Variants in KAZN observed in about 807,000 individuals in gnomAD.
The protein encoded by KAZN is kazrin, periplakin interacting protein.
A neutral mutation model predicts 87.4 loss-of-function variants in KAZN; 40 were observed. That is an observed-to-expected ratio of 0.46 (90% CI 0.36 to 0.60). The LOEUF is 0.60. Ranked by LOEUF, KAZN falls within the 20% of genes least tolerant of loss-of-function variation. KAZN has a pLI of 0.00. For missense variants in KAZN, 898 were observed against 1,073.9 expected (o/e 0.84, Z 2.29); for synonymous variants, 466 against 458.3 (o/e 1.02, Z -0.22).
intron 1 of KAZN, among the ~76,000 whole-genome samples, chr1:14,719,873 G>A (rs970722959): frequency 6.6e-6 from 1 of 152,296 alleles, no homozygotes; most frequent in South Asian, 2.1e-4. Flanking sequence ...AGAGAAACAT[G>A]CAGGTGCTGG....
At chr1:14,202,408 G>A (rs1348340913) in intron 2 of KAZN, among the ~76,000 whole-genome samples, 3 of 152,212 alleles carry the variant, frequency 2.0e-5, no homozygotes, top group Non-Finnish European at 4.4e-5. Flanking sequence ...GTCTCGCCTG[G>A]TGTGGGAATC....
chr1:14,603,061 C>T (rs1425839812), intron 1 of KAZN, among the ~76,000 whole-genome samples: 1 of 152,206 alleles, frequency 6.6e-6, no homozygotes, highest in Non-Finnish European at 1.5e-5. Flanking sequence ...ATTACTACAA[C>T]ACTGGAAACT....
In KAZN at chr1:14,131,181, C is replaced by T. The variant is rs1045936968; in HGVS notation, c.92-49254C>T. ...GATCTTGTGAGAACTCACTCGCTAT[C>T]GCAGGAACAGCAAGGAGGAAATCTG... On this transcript the variant is annotated intron_variant, in intron 1 of 16. Transcript: ENST00000636203. 9.2e-5 allele frequency among the ~76,000 whole-genome samples: 14 copies of T among 152,252 alleles called. No individual in the cohort carries two copies. The East Asian group carries it at 1.2e-3, about 13-fold the overall frequency.
chr1:14,775,495 T>C (rs964189695), intron 1 of KAZN, among the ~76,000 whole-genome samples: 12 of 152,240 alleles, frequency 7.9e-5, no homozygotes, highest in Non-Finnish European at 2.9e-5. Context: ...AGGTCAGCCT[T>C]GGCGTCCACG....
At chr1:14,593,889 G>A (rs930815699), upstream of KAZN, among the ~76,000 whole-genome samples, 5 of 152,168 alleles carry the variant, frequency 3.3e-5, no homozygotes, top group Admixed American at 6.5e-5. Flanking sequence ...GGCTGTGGGT[G>A]TAATTTAGGA....
At chr1:15,072,699 A>C (rs1185283347) in intron 8 of KAZN, among the ~76,000 whole-genome samples, 2 of 152,210 alleles carry the variant, frequency 1.3e-5, no homozygotes, top group Admixed American at 1.3e-4. Flanking sequence ...CAAGGCGCAG[A>C]GAGGTGAAGT....
At position 14,991,301 on chromosome 1, in the gene KAZN, G is replaced by A. The variant is rs541071199; in HGVS notation, c.418+30426G>A. Among the ~76,000 whole-genome samples, 4 of 152,012 alleles carry A rather than the reference G, an allele frequency of 2.6e-5. No individual in the cohort carries two copies. The South Asian group carries it at 8.3e-4, about 32-fold the overall frequency. ...ACCCGAGAGGCGGGGGTTGCAGTGA[G>A]CCTAGATCGCACCACTGCACTCCAG... is the stretch of plus-strand genomic sequence containing the variant. On this transcript the variant is annotated intron_variant, in intron 2 of 14. Coordinates refer to ENST00000376030, the MANE Select transcript of KAZN (RefSeq NM_201628.3).
intron 2 of KAZN, among the ~76,000 whole-genome samples, chr1:14,267,988 A>G (rs1268362095): frequency 6.6e-6 from 1 of 152,156 alleles, no homozygotes. Flanking sequence ...AAAAGCTGTT[A>G]TGTATATATT....
At chr1:14,739,615 G>A (rs1364888550) in intron 1 of KAZN, among the ~76,000 whole-genome samples, 4 of 151,954 alleles carry the variant, frequency 2.6e-5, no homozygotes, top group Non-Finnish European at 5.9e-5. Flanking sequence ...ACTTGAGGAC[G>A]CTTTCAAGAC....
chr1:15,114,370 T>C (rs1641765717), intron 14 of KAZN, 101 bp from the exon 15 acceptor site: 1 of 940,460 alleles, frequency 1.1e-6, no homozygotes, highest in Admixed American at 2.3e-5. Flanking sequence ...AGTAAGTTAC[T>C]CAATCACAGA....
At chr1:14,724,860 G>A (rs928480346) in intron 1 of KAZN, among the ~76,000 whole-genome samples, 1 of 152,128 alleles carries the variant, frequency 6.6e-6, no homozygotes, top group Non-Finnish European at 1.5e-5. Flanking sequence ...CCTCACTCTG[G>A]TTCATCAATT....
At chr1:15,007,074 A>G (rs949101716) in intron 2 of KAZN, among the ~76,000 whole-genome samples, 9 of 127,270 alleles carry the variant, frequency 7.1e-5, no homozygotes, top group Admixed American at 3.4e-4. Flanking sequence ...AAAAAAAAAA[A>G]AAAGAAAAAC....
intron 1 of KAZN, among the ~76,000 whole-genome samples, chr1:14,150,758 A>G (rs1010603101): frequency 5.3e-5 from 8 of 152,220 alleles, no homozygotes; most frequent in African/African-American, 1.9e-4. Context: ...CTTGGAGATA[A>G]CCAAAATGAT....
rs146606389 is a variant in KAZN, at chr1:13,945,200, G to A, written c.91+51444G>A. On this transcript the variant is annotated intron_variant, in intron 1 of 16. Transcript: ENST00000636203. The stretch of plus-strand genomic sequence containing the variant: ...TAAAAAATTTATGTGCAGGCTGGGC[G>A]TGGTGGCTCACACCTATAATACCAG... Among the ~76,000 whole-genome samples the A allele has an allele frequency of 1.1e-4, 17 of 152,266 alleles. No individual in the cohort carries two copies. In the East Asian group the frequency reaches 1.9e-3, roughly 17 times the overall value.
intron 1 of KAZN, among the ~76,000 whole-genome samples, chr1:14,851,115 C>T (rs1416580210): frequency 1.3e-5 from 2 of 152,192 alleles, no homozygotes; most frequent in Non-Finnish European, 2.9e-5. Context: ...GCGTTAATCC[C>T]TTCCAGTGCC....
chr1:14,498,387 A>T (rs1670065646), intron 2 of KAZN, among the ~76,000 whole-genome samples: 1 of 152,222 alleles, frequency 6.6e-6, no homozygotes, highest in African/African-American at 2.4e-5. Context: ...AGCTGGGAAG[A>T]TGCCAAAGAA....
At chr1:15,014,194 C>T (rs969411285) in intron 2 of KAZN, among the ~76,000 whole-genome samples, 4 of 152,058 alleles carry the variant, frequency 2.6e-5, no homozygotes, top group Non-Finnish European at 5.9e-5. Context: ...CAGAGCCATC[C>T]ACACCTGCAG....
chr1:14,175,618 GAAAC>G (rs1267834025), intron 1 of KAZN, among the ~76,000 whole-genome samples: 2 of 152,196 alleles, frequency 1.3e-5, no homozygotes, highest in Non-Finnish European at 2.9e-5. Context: ...GCAAAAGAAA[GAAAC>G]AAGTTGTAAT....
In KAZN at chr1:14,826,296, C is replaced by T. The variant is rs114456748; in HGVS notation, c.227-134388C>T. On this transcript the variant is annotated intron_variant, in intron 1 of 14. Coordinates refer to ENST00000376030, the MANE Select transcript of KAZN (RefSeq NM_201628.3). ...GGTGTGCTAATTGTCTGCGGATGTT[C>T]GTAAAAGGCAAGAATCTGTCTCATT... 1.2e-3 allele frequency among the ~76,000 whole-genome samples: 177 copies of T among 152,332 alleles called. 1 individual carries two copies. Among genetic ancestry groups the T allele is most frequent in the Non-Finnish European group, 2.0e-3 (137 of 68,028 alleles).
Sources: gnomAD v4.1 joint callset for allele counts (sites outside exome capture counted in the v4.1 genomes callset) on GRCh38, gnomAD v4.1.1 for gene constraint, MANE v1.5 for transcripts, NCBI Gene and HGNC (gene_info 2026-07-23, HGNC 2026-07-21) for gene names.